The following C19orf53 variants were observed in gnomAD, a reference collection of about 807,000 sequenced individuals.
The protein encoded by C19orf53 is chromosome 19 open reading frame 53, also known as leydig cell tumor 10 kDa protein homolog.
In C19orf53, 9 loss-of-function variants were observed where a neutral mutation model predicts 6.5. That is an observed-to-expected ratio of 1.38 (90% CI 0.83 to 2.40). The LOEUF (loss-of-function observed/expected upper bound fraction) is 2.40, where lower values mean the gene tolerates loss of function less well. Ranked by LOEUF, C19orf53 falls within the 30% of genes most tolerant of loss-of-function variation. The pLI is 0.00. For missense variants in C19orf53, 166 were observed against 129.7 expected (o/e 1.28, Z -1.36); for synonymous variants, 68 against 52.5 (o/e 1.29, Z -1.27).
rs780262290 is a variant in C19orf53 at position 13,778,042 on chromosome 19, T to G, written c.154-10T>G. ...GGTCACAATCTGACTGCCCCGTGCT[T>G]CTCCCTCAGAACCTAGAAGTCGGAA... On this transcript the variant is annotated splice_polypyrimidine_tract_variant and intron_variant, in intron 2 of 2. Coordinates refer to ENST00000588234, the MANE Select transcript of C19orf53 (RefSeq NM_014047.3). 6.2e-7 allele frequency: 1 copy of G among 1,603,008 alleles called. No homozygotes were observed. The highest frequency in any genetic ancestry group is 2.3e-5 in the East Asian group (1 of 44,414).
At chr19:13,777,423 G>A (rs959143806) in intron 2 of C19orf53, among the ~76,000 whole-genome samples, 40 of 151,524 alleles carry the variant, frequency 2.6e-4, no homozygotes, top group African/African-American at 8.0e-4. Flanking sequence ...ATGCAGTCTC[G>A]CTGTGTTGCC....
rs201824535 is a variant in C19orf53 at position 13,778,081 on chromosome 19, C to G, written c.183C>G (p.Ile61Met). ...TAGAAGTCGGAATCCGGAAGAAGAT[C>G]GAACATGACGTGGTGATGAAAGCCA... ...KNLEVGIRKK[I>M]EHDVVMKASS... Residue 61 changes from isoleucine to methionine, a missense_variant, in exon 3 of 3, where the codon ATC becomes ATG. By Grantham distance (10) the Ile-to-Met change is conservative. Coordinates refer to ENST00000588234, the MANE Select transcript of C19orf53 (RefSeq NM_014047.3). The G allele has an allele frequency of 4.8e-5, 78 of 1,612,454 alleles. No individual in the cohort carries two copies. The highest frequency in any genetic ancestry group is 2.0e-4 in the Admixed American group (12 of 59,844).
At chr19:13,776,862 T>C (rs1974376890) in intron 2 of C19orf53, among the ~76,000 whole-genome samples, 3 of 152,236 alleles carry the variant, frequency 2.0e-5, no homozygotes, top group African/African-American at 7.2e-5. Context: ...TCCCGGTACA[T>C]GCACTGAATT....
intron 2 of C19orf53, among the ~76,000 whole-genome samples, chr19:13,776,285 G>C (rs1452023193): frequency 6.6e-6 from 1 of 151,552 alleles, no homozygotes; most frequent in African/African-American, 2.4e-5. Flanking sequence ...CCCCTATTTT[G>C]CCCTTAGAAT....
rs1327759462 is a variant in C19orf53 at position 13,774,461 on chromosome 19, C to G, written c.-17C>G. On this transcript the variant is annotated 5_prime_UTR_variant, in exon 1 of 3. Coordinates refer to ENST00000588234, the MANE Select transcript of C19orf53 (RefSeq NM_014047.3). Reference sequence around the variant, plus strand: ...ACGACTGCTCACAGTCCCGCCTCTTCCGCTGCGTGCCGGACCATGGCGCAG... The same window carrying G: ...ACGACTGCTCACAGTCCCGCCTCTTGCGCTGCGTGCCGGACCATGGCGCAG... The G allele has an allele frequency of 1.3e-5, 20 of 1,584,976 alleles. No individual in the cohort carries two copies. The highest frequency in any genetic ancestry group is 1.8e-5 in the Admixed American group (1 of 54,216).
intron 2 of C19orf53, among the ~76,000 whole-genome samples, chr19:13,775,240 C>G (rs1411574145): frequency 6.6e-6 from 1 of 152,108 alleles, no homozygotes. Flanking sequence ...CTTTGTAAAC[C>G]TAGAACAGCA....
At chr19:13,776,795 A>G (rs965881999) in intron 2 of C19orf53, among the ~76,000 whole-genome samples, 3 of 152,136 alleles carry the variant, frequency 2.0e-5, no homozygotes, top group Non-Finnish European at 4.4e-5. Context: ...TCTTTGCCAT[A>G]GCAGCGCTTA....
rs1010521987 is a variant in C19orf53 at position 13,777,919 on chromosome 19, C to G, written c.154-133C>G. ...AGGACTTAAACCCCAGCCACCAGACCCACAGTCAGGTGCGGTTCGAGGGGA... is the reference window on the plus strand; with the variant it reads ...AGGACTTAAACCCCAGCCACCAGACGCACAGTCAGGTGCGGTTCGAGGGGA... On this transcript the variant is annotated intron_variant, in intron 2 of 2. Transcript: ENST00000588234. The G allele has an allele frequency of 2.8e-5, 32 of 1,146,296 alleles. No individual in the cohort carries two copies. The African/African-American group carries it at 4.4e-4, about 16-fold the overall frequency. The allele number at this position is 1,146,296 out of a possible 1,614,324, so 71.0% of individuals were successfully genotyped here.
At position 13,774,657 on chromosome 19, in the gene C19orf53, G is replaced by A. The variant is rs778724693; in HGVS notation, c.103G>A (p.Val35Ile). ...GTGAGCACATCTTTCCCCAGGTCGT[G>A]TTATCGCTCCCAAGAAGGCGCGCGT... ...KNRGPRKGGR[V>I]IAPKKARVVQ... is the part of the protein sequence containing the mutation. Residue 35 changes from valine (V) to isoleucine (I), a missense_variant, in exon 2 of 3, where the codon GTT becomes ATT. Coordinates refer to ENST00000588234, the MANE Select transcript of C19orf53 (RefSeq NM_014047.3). 19 of 1,610,174 alleles carry A rather than the reference G, an allele frequency of 1.2e-5. No homozygotes were observed. Among genetic ancestry groups the A allele is most frequent in the Middle Eastern group, 3.3e-4 (2 of 6,074 alleles).
At position 13,778,159 on chromosome 19, in the gene C19orf53, A is replaced by T; in HGVS notation, c.261A>T (p.Lys87Asn). Reference sequence around the variant, plus strand: ...TGCTGAAGGCCCCAGCCAAGAAGAAAGGGGCAGCTGCCGCCACCTCCTCCA... The same window carrying T: ...TGCTGAAGGCCCCAGCCAAGAAGAATGGGGCAGCTGCCGCCACCTCCTCCA... ...LALLKAPAKK[K>N]GAAAATSSKT... Residue 87 changes from lysine to asparagine, a missense_variant, in exon 3 of 3, where the codon AAA becomes AAT. Lys to Asn is a moderately conservative substitution (Grantham distance 94). Transcript: ENST00000588234. 1 of 1,611,682 alleles carries T rather than the reference A, an allele frequency of 6.2e-7. No individual in the cohort carries two copies. The highest frequency in any genetic ancestry group is 8.5e-7 in the Non-Finnish European group (1 of 1,178,570).
intron 2 of C19orf53, among the ~76,000 whole-genome samples, chr19:13,777,526 C>T (rs1005614014): frequency 1.3e-5 from 2 of 152,302 alleles, no homozygotes; most frequent in South Asian, 2.1e-4. Flanking sequence ...ACACCCAGTC[C>T]GTCGGAACTC....
Position 13,774,493 on chromosome 19 carries a change from C to G in C19orf53, c.16C>G (p.Arg6Gly). Residue 6 changes from arginine to glycine, a missense_variant, in exon 1 of 3, where the codon CGC becomes GGC. Physicochemically the swap from Arg to Gly is moderately radical, Grantham distance 125. Transcript: ENST00000588234. MAQGQ[R>G]KFQAHKPAKS... The stretch of plus-strand genomic sequence containing the variant: ...GTGCCGGACCATGGCGCAGGGGCAG[C>G]GCAAGTTTCAGGCGCACAAACCCGC... The G allele has an allele frequency of 1.9e-6, 3 of 1,609,916 alleles. No individual in the cohort carries two copies. Among genetic ancestry groups the G allele is most frequent in the Non-Finnish European group, 2.5e-6 (3 of 1,178,288 alleles).
chr19:13,776,055 T>C (rs768528159), intron 2 of C19orf53, among the ~76,000 whole-genome samples: 13 of 151,556 alleles, frequency 8.6e-5, no homozygotes, highest in Non-Finnish European at 1.6e-4. Context: ...CCTCCTGGGT[T>C]CAAGCGATTT....
At chr19:13,775,752 T>A (rs1372209950) in intron 2 of C19orf53, 1 of 152,068 alleles carries the variant, frequency 6.6e-6, no homozygotes, top group Non-Finnish European at 1.5e-5. Context: ...AGAGTGTCGG[T>A]TTTCTCAGAA....
In C19orf53 at chr19:13,778,152, A is replaced by G; in HGVS notation, c.254A>G (p.Lys85Arg). 3.7e-6 allele frequency: 6 copies of G among 1,612,248 alleles called. No homozygotes were observed. The highest frequency in any genetic ancestry group is 5.1e-6 in the Non-Finnish European group (6 of 1,178,900). Residue 85 changes from lysine to arginine, a missense_variant, in exon 3 of 3, where the codon AAG becomes AGG. Coordinates refer to ENST00000588234, the MANE Select transcript of C19orf53 (RefSeq NM_014047.3). Reference protein sequence around the residue: ...KKLALLKAPAKKKGAAAATSS... With the variant: ...KKLALLKAPARKKGAAAATSS... ...CTGGCACTGCTGAAGGCCCCAGCCA[A>G]GAAGAAAGGGGCAGCTGCCGCCACC...
intron 2 of C19orf53, 77 bp from the exon 3 acceptor site, chr19:13,777,975 A>G (rs1334807435): frequency 6.6e-7 from 1 of 1,520,654 alleles, no homozygotes; most frequent in African/African-American, 1.4e-5. Flanking sequence ...TGCGAGCTCT[A>G]GCCAGGAAGA....
rs921724928 is a variant in C19orf53 at position 13,778,699 on chromosome 19, T to C, written c.*501T>C. 6.6e-6 allele frequency among the ~76,000 whole-genome samples: 1 copy of C among 152,002 alleles called. No homozygotes were observed. On this transcript the variant is annotated 3_prime_UTR_variant, in exon 3 of 3. Coordinates refer to ENST00000588234, the MANE Select transcript of C19orf53 (RefSeq NM_014047.3). Reference sequence around the variant, plus strand: ...CTCACCCCTGGGGACACAACCAGAGTCAAGCTGGACATCAGTAGGTCAGAT... The same window carrying C: ...CTCACCCCTGGGGACACAACCAGAGCCAAGCTGGACATCAGTAGGTCAGAT...
Position 13,774,541 on chromosome 19 carries a change from G to A in C19orf53, c.64G>A (p.Ala22Thr), listed in dbSNP as rs1457106177. ...KPAKSKTAAA[A>T]SEKNRGPRKG... ...CGCAAAGAGTAAGACGGCAGCGGCA[G>A]CCTCTGAAAAGAATCGGGGCCCAAG... is the stretch of plus-strand genomic sequence containing the variant. Residue 22 changes from alanine to threonine, a missense_variant, in exon 1 of 3, where the codon GCC (alanine) becomes ACC (threonine). Coordinates refer to ENST00000588234, the MANE Select transcript of C19orf53 (RefSeq NM_014047.3). 3.1e-6 allele frequency: 5 copies of A among 1,614,040 alleles called. No individual in the cohort carries two copies. The highest frequency in any genetic ancestry group is 4.2e-6 in the Non-Finnish European group (5 of 1,179,896).
At chr19:13,774,906 A>G (rs1321412442) in intron 2 of C19orf53, 199 bp downstream of exon 2, 2 of 685,222 alleles carry the variant, frequency 2.9e-6, no homozygotes, top group Non-Finnish European at 4.8e-6. Context: ...AGAGAGGGGT[A>G]AGAGGTGGAA....
Sources: allele counts gnomAD v4.1 joint callset (sites outside exome capture counted in the v4.1 genomes callset), GRCh38; gene constraint gnomAD v4.1.1; transcripts MANE v1.5; gene names NCBI Gene and HGNC (gene_info 2026-07-23, HGNC 2026-07-21).